Variants in EPM2A observed in about 807,000 individuals in gnomAD.
EPM2A encodes laforin.
A neutral mutation model predicts 26.5 loss-of-function variants in EPM2A; 21 were observed. The observed-to-expected ratio is 0.79, with a 90% CI of 0.56 to 1.14. The LOEUF (loss-of-function observed/expected upper bound fraction) is 1.14, where lower values mean the gene tolerates loss of function less well. Among genes scored for constraint, EPM2A ranks in the 50% most tolerant of loss-of-function variants. The pLI, the probability that EPM2A is intolerant of heterozygous loss-of-function variation, is 0.00. For synonymous variants in EPM2A, 217 were observed against 177.6 expected (o/e 1.22, Z -1.76); for missense variants, 458 against 440.8 (o/e 1.04, Z -0.35).
exon 4 of EPM2A, chr6:145,501,732 G>A (rs1451617764): frequency 2.2e-6 from 1 of 464,926 alleles, no homozygotes; most frequent in Non-Finnish European, 4.5e-6. Flanking sequence ...TTTCTTTCCT[G>A]TGTGAGCTTG....
At chr6:145,667,835 T>C (rs1779330717) in intron 2 of EPM2A, among the ~76,000 whole-genome samples, 1 of 147,778 alleles carries the variant, frequency 6.8e-6, no homozygotes, top group Non-Finnish European at 1.5e-5. Flanking sequence ...TATGCAGCCA[T>C]AAAAAATGAT....
At chr6:145,648,839 G>GA (rs975777544) in intron 2 of EPM2A, among the ~76,000 whole-genome samples, 4 of 151,538 alleles carry the variant, frequency 2.6e-5, no homozygotes, top group South Asian at 2.1e-4. Flanking sequence ...TTTTAAAAGT[G>GA]AAAAAAAATT....
At position 145,626,529 on chromosome 6, in the gene EPM2A, C is replaced by G. The variant is rs995610493; in HGVS notation, c.*887G>C. 1.0e-6 allele frequency: 1 copy of G among 985,712 alleles called. No individual in the cohort carries two copies. The highest frequency in any genetic ancestry group is 1.7e-5 in the African/African-American group (1 of 57,222). 61.1% of individuals were successfully genotyped at this position (985,712 alleles called of 1,614,324 possible). Reference sequence around the variant, plus strand: ...ACTATTCTATGTCTCGCTATAGAAACTCCTGCAGGCATATTGACTATACCC... The same window carrying G: ...ACTATTCTATGTCTCGCTATAGAAAGTCCTGCAGGCATATTGACTATACCC... On this transcript the variant is annotated 3_prime_UTR_variant, in exon 4 of 4. Coordinates refer to ENST00000367519, the MANE Select transcript of EPM2A (RefSeq NM_005670.4).
chr6:145,625,541 A>G lies in EPM2A; in HGVS notation c.*1875T>C, dbSNP rs15372. ...ATTAAAGAAATTCACAGACCCACAT[A>G]GTTTAAAAATTTAATTTTTAAGATT... On this transcript the variant is annotated 3_prime_UTR_variant, in exon 4 of 4. Coordinates refer to ENST00000367519, the MANE Select transcript of EPM2A (RefSeq NM_005670.4). The G allele has an allele frequency of 4.9e-6, 3 of 617,214 alleles. No homozygotes were observed. The highest frequency in any genetic ancestry group is 1.8e-5 in the African/African-American group (1 of 54,462). The allele number at this position is 617,214 out of a possible 1,614,324, so 38.2% of individuals were successfully genotyped here.
At chr6:145,482,129 A>G (rs1158500888) in intron 4 of EPM2A, among the ~76,000 whole-genome samples, 1 of 152,134 alleles carries the variant, frequency 6.6e-6, no homozygotes, top group Non-Finnish European at 1.5e-5. Flanking sequence ...GCACATTTAC[A>G]TTTTCTCCTG....
intron 4 of EPM2A, among the ~76,000 whole-genome samples, chr6:145,458,494 G>A (rs1166643521): frequency 1.3e-5 from 2 of 152,108 alleles, no homozygotes; most frequent in African/African-American, 4.8e-5. Flanking sequence ...ATCTCTCGAG[G>A]CATTAGGATA....
intron 2 of EPM2A, among the ~76,000 whole-genome samples, chr6:145,609,862 C>A (rs1230077448): frequency 6.6e-6 from 1 of 152,166 alleles, no homozygotes; most frequent in East Asian, 1.9e-4. Flanking sequence ...CAGACAGTTA[C>A]TTTGGAAGGG....
chr6:145,501,520 A>G (rs1779889708), downstream of EPM2A: 1 of 252,532 alleles, frequency 4.0e-6, no homozygotes, highest in Non-Finnish European at 7.9e-6. Context: ...GCCCTGGTAT[A>G]TAATTGACAT....
chr6:145,490,793 C>CT lies in EPM2A; in HGVS notation c.555+11728dup, dbSNP rs367752122. 8.5e-4 allele frequency: 493 copies of CT among 577,478 alleles called. 6 individuals are homozygous for CT. The African/African-American group carries it at 8.8e-3, about 10-fold the overall frequency. 35.8% of individuals were successfully genotyped at this position (577,478 alleles called of 1,614,324 possible). A position where few individuals can be genotyped will look rare whatever the true frequency, so the allele number is the denominator to read the frequency against. On this transcript the variant is annotated intron_variant, in intron 4 of 4. Coordinates refer to the EPM2A transcript ENST00000638717. Reference sequence around the variant, plus strand: ...CAACTGACGTTCCACAGTTTCGATACTTTCTACCTGTATGCTTGTAGGGTC... The same window carrying CT: ...CAACTGACGTTCCACAGTTTCGATACTTTTCTACCTGTATGCTTGTAGGGTC...
chr6:145,654,904 C>T (rs1034671309), intron 2 of EPM2A, among the ~76,000 whole-genome samples: 8 of 151,996 alleles, frequency 5.3e-5, no homozygotes, highest in African/African-American at 1.9e-4. Context: ...TGAACTTGTA[C>T]AAATTTGGAC....
chr6:145,525,903 A>G (rs991983523), intron 2 of EPM2A, among the ~76,000 whole-genome samples: 1 of 152,066 alleles, frequency 6.6e-6, no homozygotes, highest in Non-Finnish European at 1.5e-5. Context: ...CATTTTGCCC[A>G]TTAAGTATGA....
intron 2 of EPM2A, among the ~76,000 whole-genome samples, chr6:145,553,872 T>C (rs2114806769): frequency 6.7e-6 from 1 of 148,184 alleles, no homozygotes; most frequent in Admixed American, 6.8e-5. Flanking sequence ...TATATATTAC[T>C]TGATATATAT....
chr6:145,513,711 T>C (rs1174122077), intron 2 of EPM2A, among the ~76,000 whole-genome samples: 2 of 152,226 alleles, frequency 1.3e-5, no homozygotes, highest in Admixed American at 1.3e-4. Flanking sequence ...ATGCAAGTGA[T>C]GAAGTACTTA....
chr6:145,653,476 G>A (rs1778041219), intron 2 of EPM2A, among the ~76,000 whole-genome samples: 1 of 151,842 alleles, frequency 6.6e-6, no homozygotes, highest in Non-Finnish European at 1.5e-5. Context: ...CCAGTCTCAG[G>A]GAAGTTCTTT....
intron 4 of EPM2A, among the ~76,000 whole-genome samples, chr6:145,418,265 C>A (rs1778735622): frequency 6.6e-6 from 1 of 152,188 alleles, no homozygotes; most frequent in Non-Finnish European, 1.5e-5. Flanking sequence ...ATGCAAATTC[C>A]CACAAATTCT....
intron 2 of EPM2A, among the ~76,000 whole-genome samples, chr6:145,563,929 C>G (rs1474718317): frequency 6.6e-6 from 1 of 152,108 alleles, no homozygotes; most frequent in Non-Finnish European, 1.5e-5. Flanking sequence ...GGAATCGGTT[C>G]CAGGATGCCC....
intron 4 of EPM2A, among the ~76,000 whole-genome samples, chr6:145,482,883 G>A (rs907832385): frequency 2.1e-5 from 3 of 144,520 alleles, no homozygotes; most frequent in African/African-American, 5.3e-5. Context: ...TTTTTCTGTG[G>A]CTTAAAGAAC....
intron 2 of EPM2A, among the ~76,000 whole-genome samples, chr6:145,657,136 C>CT (rs1778356601): frequency 6.9e-6 from 1 of 144,550 alleles, no homozygotes; most frequent in Non-Finnish European, 1.5e-5. Context: ...GTCACCCAGG[C>CT]TGGAGTGCAG....
chr6:145,634,364 G>T (rs1157593518), intron 3 of EPM2A: 1 of 152,376 alleles, frequency 6.6e-6, no homozygotes, highest in African/African-American at 2.4e-5. Flanking sequence ...CCCCTAGCAT[G>T]CCCTTTCTCC....
Sources: allele counts gnomAD v4.1 joint callset (sites outside exome capture counted in the v4.1 genomes callset), GRCh38; gene constraint gnomAD v4.1.1; transcripts MANE v1.5; gene names NCBI Gene and HGNC (gene_info 2026-07-23, HGNC 2026-07-21).